Variants in RERG observed in about 807,000 individuals in gnomAD.
The protein encoded by RERG is ras-related and estrogen-regulated growth inhibitor.
Under a neutral mutation model 23.2 loss-of-function variants are expected in RERG, and 25 were observed. The ratio of observed to expected loss-of-function variants is 1.08; its 90% CI spans 0.79 to 1.50. RERG has a LOEUF of 1.50. Among genes scored for constraint, RERG ranks in the 40% most tolerant of loss-of-function variants. The pLI is 0.00. For missense variants in RERG, 253 were observed against 250.1 expected, an observed-to-expected ratio of 1.01 and a Z score of -0.08; for synonymous variants, 81 against 89.1, an observed-to-expected ratio of 0.91 and a Z score of 0.51.
chr12:15,180,526 A>G (rs1864909427), intron 2 of RERG, among the ~76,000 whole-genome samples: 3 of 152,152 alleles, frequency 2.0e-5, no homozygotes, highest in Admixed American at 2.0e-4. Context: ...AGCTCTGGAG[A>G]CTGTAGCCAA....
At chr12:15,190,226 T>A (rs1043477109) in intron 2 of RERG, among the ~76,000 whole-genome samples, 1 of 152,130 alleles carries the variant, frequency 6.6e-6, no homozygotes, top group Non-Finnish European at 1.5e-5. Flanking sequence ...GGGTGTCCAA[T>A]CTTTTGGCTT....
intron 2 of RERG, among the ~76,000 whole-genome samples, chr12:15,188,470 G>A (rs2136133194): frequency 6.6e-6 from 1 of 152,198 alleles, no homozygotes; most frequent in South Asian, 2.1e-4. Context: ...CCCCAAAGAG[G>A]AGGCAGCATC....
chr12:15,168,389 G>T (rs1350613083), intron 2 of RERG, among the ~76,000 whole-genome samples: 1 of 152,156 alleles, frequency 6.6e-6, no homozygotes, highest in Non-Finnish European at 1.5e-5. Flanking sequence ...AGGACCTTGA[G>T]GAAACCCTTT....
chr12:15,120,593 T>G (rs1376923200), intron 3 of RERG, among the ~76,000 whole-genome samples: 1 of 152,188 alleles, frequency 6.6e-6, no homozygotes, highest in African/African-American at 2.4e-5. Flanking sequence ...GCTTCTTCTC[T>G]CCTTCTCTCT....
intron 2 of RERG, among the ~76,000 whole-genome samples, chr12:15,137,569 G>A (rs571032852): frequency 6.7e-6 from 1 of 150,152 alleles, no homozygotes; most frequent in African/African-American, 2.4e-5. Context: ...TTTAGTACTT[G>A]CCCTGGAGTT....
intron 2 of RERG, among the ~76,000 whole-genome samples, chr12:15,193,317 A>G (rs1591665263): frequency 6.6e-6 from 1 of 151,958 alleles, no homozygotes; most frequent in Non-Finnish European, 1.5e-5. Context: ...TTACGCTGTT[A>G]TTTATTTTGC....
chr12:15,205,722 G>C (rs1236242124), intron 2 of RERG, among the ~76,000 whole-genome samples: 1 of 151,826 alleles, frequency 6.6e-6, no homozygotes, highest in Non-Finnish European at 1.5e-5. Flanking sequence ...CTGTCCAATG[G>C]CACAAAACAA....
intron 2 of RERG, among the ~76,000 whole-genome samples, chr12:15,150,858 C>T (rs1864428452): frequency 6.6e-6 from 1 of 152,184 alleles, no homozygotes; most frequent in Non-Finnish European, 1.5e-5. Context: ...AACTGCTGTT[C>T]ACCAGGAGGC....
chr12:15,215,938 C>T (rs181599023), intron 2 of RERG, among the ~76,000 whole-genome samples: 18 of 152,222 alleles, frequency 1.2e-4, no homozygotes, highest in Middle Eastern at 3.4e-3. Flanking sequence ...CTTCTTAAAT[C>T]GCATGTAGGT....
chr12:15,140,199 A>G (rs1231741475), intron 2 of RERG, among the ~76,000 whole-genome samples: 1 of 151,992 alleles, frequency 6.6e-6, no homozygotes, highest in Non-Finnish European at 1.5e-5. Flanking sequence ...TGAGGATGAA[A>G]CCCTCATGAC....
intron 2 of RERG, among the ~76,000 whole-genome samples, chr12:15,142,225 C>A (rs945979201): frequency 2.6e-5 from 4 of 152,112 alleles, no homozygotes; most frequent in African/African-American, 9.7e-5. Context: ...AGAGTCATTA[C>A]CTTATTCAAA....
In RERG at chr12:15,137,684, C is replaced by T. The variant is rs1263751252; in HGVS notation, c.62-16565G>A. On this transcript the variant is annotated intron_variant, in intron 2 of 4. Transcript: ENST00000256953. ...TTATAATAATAAAATAATCCTAATT[C>T]CTCCCTCCTGTCCATTGTATCTTCG... The T allele has an allele frequency of 1.1e-5, 3 of 279,502 alleles. No homozygotes were observed. The East Asian group carries it at 2.5e-4, about 24-fold the overall frequency. 17.3% of individuals were successfully genotyped at this position (279,502 alleles called of 1,614,324 possible). A position where few individuals can be genotyped will look rare whatever the true frequency, so the allele number is the denominator to read the frequency against.
chr12:15,158,592 T>G (rs752547729), intron 2 of RERG, among the ~76,000 whole-genome samples: 2 of 149,552 alleles, frequency 1.3e-5, no homozygotes, highest in Non-Finnish European at 3.0e-5. Context: ...TCTCAGCATT[T>G]TTTAATGATA....
chr12:15,212,209 G>A (rs7953073), intron 2 of RERG, among the ~76,000 whole-genome samples: 45,091 of 147,908 alleles, frequency 0.3, 6,963 homozygotes, highest in Non-Finnish European at 0.32. Flanking sequence ...ACAGGCGCCC[G>A]CCACCGCGCC....
At chr12:15,131,400 G>A (rs1864043755) in intron 2 of RERG, among the ~76,000 whole-genome samples, 2 of 152,178 alleles carry the variant, frequency 1.3e-5, no homozygotes, top group Admixed American at 1.3e-4. Context: ...TTCATTCCAA[G>A]TCATCATGCT....
intron 3 of RERG, among the ~76,000 whole-genome samples, chr12:15,115,770 CG>C (rs1362870107): frequency 6.6e-6 from 1 of 151,864 alleles, no homozygotes; most frequent in Non-Finnish European, 1.5e-5. Flanking sequence ...CTTTTTTGAC[CG>C]CTGTTTTCTG....
intron 2 of RERG, among the ~76,000 whole-genome samples, chr12:15,199,144 T>C (rs35979574): frequency 0.084 from 12,767 of 152,198 alleles, 605 homozygotes; most frequent in East Asian, 0.24. Context: ...TAGTGTCTAC[T>C]CAAAGTCCAA....
chr12:15,173,239 A>G (rs1170106429), intron 2 of RERG, among the ~76,000 whole-genome samples: 1 of 151,996 alleles, frequency 6.6e-6, no homozygotes, highest in Admixed American at 6.6e-5. Context: ...TTTCTCTACA[A>G]AACTGTGTTG....
chr12:15,221,333 TG>T lies in RERG; in HGVS notation c.-254del, dbSNP rs1213099280. On this transcript the variant is annotated 5_prime_UTR_variant, in exon 1 of 5. Coordinates refer to ENST00000256953, the MANE Select transcript of RERG (RefSeq NM_032918.3). Reference sequence around the variant, plus strand: ...CGAGTTGCTGGGCTGCGGTCGTGGGTGGGACTCGCCGCAGAAGCAAGTGCCA... The same window carrying T: ...CGAGTTGCTGGGCTGCGGTCGTGGGTGGACTCGCCGCAGAAGCAAGTGCCA... 1 of 152,172 alleles carries T rather than the reference TG, an allele frequency of 6.6e-6. No homozygotes were observed. Among genetic ancestry groups the T allele is most frequent in the Non-Finnish European group, 1.5e-5 (1 of 68,042 alleles). 9.4% of individuals were successfully genotyped at this position (152,172 alleles called of 1,614,324 possible).
Sources: gnomAD v4.1 joint callset for allele counts (sites outside exome capture counted in the v4.1 genomes callset) on GRCh38, gnomAD v4.1.1 for gene constraint, MANE v1.5 for transcripts, NCBI Gene and HGNC (gene_info 2026-07-23, HGNC 2026-07-21) for gene names.